Variants in CTNNA3 observed in about 807,000 individuals in gnomAD.
CTNNA3 encodes catenin alpha 3.
In CTNNA3, 76 loss-of-function variants were observed where a neutral mutation model predicts 95.7. The observed-to-expected ratio is 0.79, with a 90% CI of 0.66 to 0.96. The LOEUF (loss-of-function observed/expected upper bound fraction) is 0.96, where lower values mean the gene tolerates loss of function less well. Ranked by LOEUF, CTNNA3 falls within the 40% of genes least tolerant of loss-of-function variation. The pLI, the probability that CTNNA3 is intolerant of heterozygous loss-of-function variation, is 0.00. For missense variants in CTNNA3, 1,191 were observed against 1,089.8 expected (o/e 1.09, Z -1.31); for synonymous variants, 431 against 374.4 (o/e 1.15, Z -1.74).
At chr10:66,494,598 T>C (rs939329696) in intron 11 of CTNNA3, among the ~76,000 whole-genome samples, 1 of 149,750 alleles carries the variant, frequency 6.7e-6, no homozygotes, top group Non-Finnish European at 1.5e-5. Flanking sequence ...CTCTTAAGAC[T>C]GGTAGCAGCA....
chr10:66,443,994 T>C (rs201613155), intron 11 of CTNNA3, among the ~76,000 whole-genome samples: 17,706 of 151,858 alleles, frequency 0.12, 1,501 homozygotes, highest in African/African-American at 0.24. Context: ...CTGATGGAGT[T>C]GAAAGCCAAG....
At chr10:66,796,100 G>A (rs1385647317) in intron 7 of CTNNA3, among the ~76,000 whole-genome samples, 1 of 152,128 alleles carries the variant, frequency 6.6e-6, no homozygotes, top group Non-Finnish European at 1.5e-5. Context: ...AACTGGAAGA[G>A]TTCCTACAAG....
At chr10:67,293,860 G>A (rs1262443875) in intron 5 of CTNNA3, among the ~76,000 whole-genome samples, 1 of 151,958 alleles carries the variant, frequency 6.6e-6, no homozygotes, top group African/African-American at 2.4e-5. Flanking sequence ...CATTTTTTAT[G>A]GCTTTATAGT....
chr10:66,134,410 T>G (rs1226696091), intron 13 of CTNNA3, among the ~76,000 whole-genome samples: 1 of 152,160 alleles, frequency 6.6e-6, no homozygotes, highest in Non-Finnish European at 1.5e-5. Context: ...AGTTCATTAT[T>G]TGTAGATATT....
At chr10:66,303,503 CTT>C (rs1259181341) in intron 12 of CTNNA3, among the ~76,000 whole-genome samples, 3 of 150,656 alleles carry the variant, frequency 2.0e-5, no homozygotes, top group Admixed American at 2.0e-4. Context: ...GGTAAAAAAA[CTT>C]TTTTATTTAA....
intron 11 of CTNNA3, among the ~76,000 whole-genome samples, chr10:66,396,112 T>C (rs1246936438): frequency 6.6e-6 from 1 of 152,076 alleles, no homozygotes; most frequent in East Asian, 1.9e-4. Context: ...GAAAAATATA[T>C]GATTTCATTC....
chr10:67,191,609 C>A (rs980708250), intron 6 of CTNNA3, among the ~76,000 whole-genome samples: 1 of 151,726 alleles, frequency 6.6e-6, no homozygotes, highest in African/African-American at 2.4e-5. Flanking sequence ...AAGACACAAA[C>A]AAATGAAAAA....
chr10:67,027,977 T>C lies in CTNNA3; in HGVS notation c.1047+152340A>G, dbSNP rs545792906. Among the ~76,000 whole-genome samples, 5 of 152,318 alleles carry C rather than the reference T, an allele frequency of 3.3e-5. No individual in the cohort carries two copies. The South Asian group carries it at 1.0e-3, about 32-fold the overall frequency. Reference sequence around the variant, plus strand: ...CATCTGTTTTCTCACTTGACCCTCATAACAACCCTGTGAAGCAAGTAAGGT... The same window carrying C: ...CATCTGTTTTCTCACTTGACCCTCACAACAACCCTGTGAAGCAAGTAAGGT... On this transcript the variant is annotated intron_variant, in intron 7 of 17. Transcript: ENST00000433211.
chr10:67,369,056 G>A (rs1362614479), intron 5 of CTNNA3, among the ~76,000 whole-genome samples: 1 of 152,120 alleles, frequency 6.6e-6, no homozygotes, highest in East Asian at 1.9e-4. Flanking sequence ...GAGCCTAAAA[G>A]CTAGAAGGTA....
In CTNNA3 at chr10:67,463,630, G is replaced by C. The variant is rs16924505; in HGVS notation, c.579+58212C>G. The stretch of plus-strand genomic sequence containing the variant: ...AGATCTGGTTTTCTGGGAGCCTTTT[G>C]TTACCAAACCAGCATCTACAACTAT... On this transcript the variant is annotated intron_variant, in intron 5 of 17. Coordinates refer to ENST00000433211, the MANE Select transcript of CTNNA3 (RefSeq NM_013266.4). Among the ~76,000 whole-genome samples, 127 of 152,214 alleles carry C rather than the reference G, an allele frequency of 8.3e-4. 2 individuals carry two copies. In the East Asian group the frequency reaches 0.023, roughly 28 times the overall value.
chr10:67,419,656 A>G (rs1209263073), intron 5 of CTNNA3, among the ~76,000 whole-genome samples: 1 of 152,256 alleles, frequency 6.6e-6, no homozygotes, highest in Non-Finnish European at 1.5e-5. Context: ...TTAGCAAAAC[A>G]GTTGGTCTTC....
intron 12 of CTNNA3, among the ~76,000 whole-genome samples, chr10:66,328,628 C>A (rs1273909129): frequency 6.6e-6 from 1 of 151,736 alleles, no homozygotes; most frequent in Admixed American, 6.6e-5. Flanking sequence ...GTGTATTACT[C>A]AGGTTCTCCA....
At chr10:67,500,122 G>A (rs1839181685) in intron 5 of CTNNA3, among the ~76,000 whole-genome samples, 1 of 152,092 alleles carries the variant, frequency 6.6e-6, no homozygotes, top group South Asian at 2.1e-4. Context: ...AGGGATTCTT[G>A]TATGTTGTGT....
chr10:67,675,016 G>A (rs569153716), intron 1 of CTNNA3, among the ~76,000 whole-genome samples: 3 of 151,952 alleles, frequency 2.0e-5, no homozygotes, highest in African/African-American at 7.2e-5. Flanking sequence ...AATTTAATGA[G>A]TAGATAAAGT....
chr10:67,267,888 CT>C (rs1411098515), intron 5 of CTNNA3, among the ~76,000 whole-genome samples: 9 of 151,996 alleles, frequency 5.9e-5, no homozygotes, highest in African/African-American at 2.2e-4. Context: ...CAGTAGTTTA[CT>C]CTTATCTTTT....
At chr10:66,326,983 TCAAA>T (rs1039973969) in intron 12 of CTNNA3, among the ~76,000 whole-genome samples, 36 of 152,202 alleles carry the variant, frequency 2.4e-4, no homozygotes, top group African/African-American at 8.4e-4. Context: ...AAAAGTTTAG[TCAAA>T]CAGTTAGGCA....
intron 5 of CTNNA3, among the ~76,000 whole-genome samples, chr10:67,510,851 G>A (rs896759051): frequency 2.6e-5 from 4 of 152,046 alleles, no homozygotes; most frequent in African/African-American, 9.7e-5. Context: ...CCATTTGTTT[G>A]TGTCCTCTTA....
chr10:67,281,846 T>C (rs1839412684), intron 5 of CTNNA3, among the ~76,000 whole-genome samples: 1 of 152,152 alleles, frequency 6.6e-6, no homozygotes, highest in Non-Finnish European at 1.5e-5. Flanking sequence ...ACATTTTCAA[T>C]GTAACAAGAA....
chr10:67,029,894 C>T (rs112920203), intron 7 of CTNNA3, among the ~76,000 whole-genome samples: 2,115 of 152,304 alleles, frequency 0.014, 58 homozygotes, highest in African/African-American at 0.048. Flanking sequence ...GGACACTGCA[C>T]TGGACAATCC....
Sources: gnomAD v4.1 joint callset for allele counts (sites outside exome capture counted in the v4.1 genomes callset) on GRCh38, gnomAD v4.1.1 for gene constraint, MANE v1.5 for transcripts, NCBI Gene and HGNC (gene_info 2026-07-23, HGNC 2026-07-21) for gene names.